FNDC3B: variants seen among roughly 807,000 people sequenced by gnomAD.
FNDC3B encodes the protein fibronectin type III domain-containing protein 3B.
A neutral mutation model predicts 151.5 loss-of-function variants in FNDC3B; 12 were observed. The observed-to-expected ratio is 0.08, with a 90% confidence interval of 0.05 to 0.13. The LOEUF (loss-of-function observed/expected upper bound fraction) is 0.13, where lower values mean the gene tolerates loss of function less well. FNDC3B is among the 10% of genes least tolerant of loss of function. FNDC3B has a pLI of 1.00. For synonymous variants in FNDC3B, 528 were observed against 549.0 expected (o/e 0.96, Z 0.54); for missense variants, 1,214 against 1,505.3 (o/e 0.81, Z 3.20).
intron 3 of FNDC3B, among the ~76,000 whole-genome samples, chr3:172,157,860 G>A (rs1722572902): frequency 6.6e-6 from 1 of 152,116 alleles, no homozygotes; most frequent in African/African-American, 2.4e-5. Flanking sequence ...CTGAATGTTT[G>A]TGTTCCCCCA....
At chr3:172,185,328 T>A (rs912458204) in intron 3 of FNDC3B, among the ~76,000 whole-genome samples, 6 of 152,178 alleles carry the variant, frequency 3.9e-5, no homozygotes, top group African/African-American at 1.2e-4. Flanking sequence ...CTGTACCCAT[T>A]TATTGGCCTG....
At chr3:172,293,283 C>G (rs1246629106) in intron 7 of FNDC3B, among the ~76,000 whole-genome samples, 1 of 152,078 alleles carries the variant, frequency 6.6e-6, no homozygotes, top group Non-Finnish European at 1.5e-5. Context: ...ATAAGAGAGG[C>G]CAGCATCCTG....
At chr3:172,050,946 G>A (rs1277609153) in intron 1 of FNDC3B, among the ~76,000 whole-genome samples, 1 of 152,000 alleles carries the variant, frequency 6.6e-6, no homozygotes, top group Non-Finnish European at 1.5e-5. Flanking sequence ...GGAGTGATAC[G>A]AAGAATTATT....
At chr3:172,160,928 A>G (rs996870136) in intron 3 of FNDC3B, among the ~76,000 whole-genome samples, 1 of 152,250 alleles carries the variant, frequency 6.6e-6, no homozygotes, top group South Asian at 2.1e-4. Context: ...CAATGTGCAT[A>G]GTATATATCA....
chr3:172,133,699 ATATATAT>A (rs1222618304), intron 3 of FNDC3B, 153 bp downstream of exon 3: 2 of 710,184 alleles, frequency 2.8e-6, no homozygotes, highest in Admixed American at 4.0e-5. Flanking sequence ...ATGGTCTCAA[ATATATAT>A]TATGATGTTA....
intron 7 of FNDC3B, among the ~76,000 whole-genome samples, chr3:172,291,697 T>C (rs1730348167): frequency 6.6e-6 from 1 of 152,230 alleles, no homozygotes; most frequent in Admixed American, 6.5e-5. Flanking sequence ...AGATTGACTT[T>C]CTAGTTACGG....
intron 3 of FNDC3B, among the ~76,000 whole-genome samples, chr3:172,164,037 T>C (rs774455963): frequency 6.6e-6 from 1 of 152,220 alleles, no homozygotes; most frequent in East Asian, 1.9e-4. Context: ...TTTGCAGTTA[T>C]AGATTTTTTT....
Position 172,362,714 on chromosome 3 carries a change from C to T in FNDC3B, c.2877C>T (p.Pro959=), listed in dbSNP as rs553848072. The change falls in exon 23 of 26, where the codon CCC becomes CCT. Residue 959 remains proline, a synonymous_variant. Coordinates refer to ENST00000415807, the MANE Select transcript of FNDC3B (RefSeq NM_022763.4). ...AAGCAAAAACTCGGCCATTACCACC[C>T]TTGCCTCCTAGGCTAGAATGTGCTG... The part of the protein sequence containing the change: ...FIKAKTRPLP[P]LPPRLECAAA... The T allele has an allele frequency of 5.3e-5, 86 of 1,613,954 alleles. 1 individual carries two copies. In the South Asian group the frequency reaches 8.9e-4, roughly 17 times the overall value.
chr3:172,263,586 G>GTTTTTTTTTTTT (rs35762662), intron 6 of FNDC3B, among the ~76,000 whole-genome samples: 1 of 102,210 alleles, frequency 9.8e-6, no homozygotes, highest in African/African-American at 4.0e-5. Flanking sequence ...GCTATCAAGT[G>GTTTTTTTTTTTT]TTTTTTTTTT....
At chr3:172,235,753 C>G (rs1727125463) in intron 4 of FNDC3B, among the ~76,000 whole-genome samples, 1 of 152,184 alleles carries the variant, frequency 6.6e-6, no homozygotes, top group South Asian at 2.1e-4. Context: ...GTGTGAAAGT[C>G]TTGAATGGTA....
intron 1 of FNDC3B, among the ~76,000 whole-genome samples, chr3:172,048,744 G>T (rs192346925): frequency 2.0e-5 from 3 of 152,194 alleles, no homozygotes; most frequent in Admixed American, 6.5e-5. Context: ...TTATATATTG[G>T]AATATTTTGG....
In FNDC3B at chr3:172,307,384, C is replaced by A; in HGVS notation, c.1083C>A (p.Ser361=). 6.2e-7 allele frequency: 1 copy of A among 1,614,090 alleles called. No homozygotes were observed. The highest frequency in any genetic ancestry group is 8.5e-7 in the Non-Finnish European group (1 of 1,179,992). ...YHVRVYAMYN[S]VKGSCSEPVS... ...TCAGGGTGTATGCCATGTACAATTC[C>A]GTAAAGGGATCCTGCTCCGAGCCTG... Residue 361 remains serine (S), a synonymous_variant, in exon 10 of 26, where the codon TCC becomes TCA. Transcript: ENST00000415807.
chr3:172,095,197 G>A (rs1167817203), intron 1 of FNDC3B, among the ~76,000 whole-genome samples: 1 of 152,064 alleles, frequency 6.6e-6, no homozygotes, highest in Non-Finnish European at 1.5e-5. Flanking sequence ...GAAATCCTGG[G>A]ATAATTAGCT....
At chr3:172,127,976 C>T (rs1720890005) in intron 2 of FNDC3B, among the ~76,000 whole-genome samples, 1 of 152,170 alleles carries the variant, frequency 6.6e-6, no homozygotes, top group Admixed American at 6.5e-5. Flanking sequence ...AGCTTTTGAA[C>T]CTTCTATTCT....
chr3:172,274,457 AG>A (rs1316129251), intron 6 of FNDC3B, among the ~76,000 whole-genome samples: 2 of 152,170 alleles, frequency 1.3e-5, no homozygotes, highest in Non-Finnish European at 2.9e-5. Flanking sequence ...GAAGACAAGA[AG>A]ACCTGAGGAT....
intron 3 of FNDC3B, chr3:172,186,672 A>G: frequency 2.9e-6 from 2 of 691,818 alleles, no homozygotes; most frequent in East Asian, 2.7e-5. Flanking sequence ...TTGAGTCCTC[A>G]TTTAGTACCT....
At chr3:172,077,604 T>G (rs1160192787) in intron 1 of FNDC3B, among the ~76,000 whole-genome samples, 1 of 152,206 alleles carries the variant, frequency 6.6e-6, no homozygotes, top group East Asian at 1.9e-4. Context: ...TGATGAATGC[T>G]CTCTCCCTTT....
chr3:172,152,877 T>A (rs1430973528), intron 3 of FNDC3B, among the ~76,000 whole-genome samples: 1 of 152,174 alleles, frequency 6.6e-6, no homozygotes, highest in Non-Finnish European at 1.5e-5. Flanking sequence ...AATGTGGTAT[T>A]GTCATTGTCT....
At chr3:172,277,876 T>C (rs1048908836) in intron 6 of FNDC3B, among the ~76,000 whole-genome samples, 7 of 152,230 alleles carry the variant, frequency 4.6e-5, no homozygotes, top group Non-Finnish European at 1.0e-4. Flanking sequence ...GCCTAGTGGC[T>C]ATAGGCATTT....
Sources: allele counts gnomAD v4.1 joint callset (sites outside exome capture counted in the v4.1 genomes callset), GRCh38; gene constraint gnomAD v4.1.1; transcripts MANE v1.5; gene names NCBI Gene and HGNC (gene_info 2026-07-23, HGNC 2026-07-21).